RBM45: variants seen among roughly 807,000 people sequenced by gnomAD.
RBM45 encodes the protein RNA-binding protein 45.
RBM45 carries 39 observed loss-of-function variants against 58.5 expected under a neutral mutation model. The observed-to-expected ratio is 0.67, with a 90% CI of 0.52 to 0.87. RBM45 has a LOEUF of 0.87. RBM45 is among the 40% of genes least tolerant of loss of function. The pLI is 0.00. For missense variants in RBM45, 481 were observed against 581.6 expected (o/e 0.83, Z 1.78); for synonymous variants, 193 against 203.0 (o/e 0.95, Z 0.42).
chr2:178,138,258 G>C (rs1212834949), exon 4 of RBM45: 1 of 152,036 alleles, frequency 6.6e-6, no homozygotes, highest in African/African-American at 2.4e-5. Context: ...TCTTTTAAAG[G>C]ATTCTCTGCA....
intron 3 of RBM45, among the ~76,000 whole-genome samples, chr2:178,135,097 C>A (rs1274784894): frequency 6.6e-6 from 1 of 152,214 alleles, no homozygotes; most frequent in Non-Finnish European, 1.5e-5. Flanking sequence ...CATTGCCCCA[C>A]TGGCACAAAA....
At chr2:178,126,619 A>G (rs1204851730) in intron 9 of RBM45, among the ~76,000 whole-genome samples, 4 of 152,208 alleles carry the variant, frequency 2.6e-5, no homozygotes, top group African/African-American at 9.7e-5. Context: ...ACTTCTCTCT[A>G]ATGAAATGCC....
At chr2:178,124,730 C>A (rs1176106399) in intron 8 of RBM45, among the ~76,000 whole-genome samples, 1 of 152,128 alleles carries the variant, frequency 6.6e-6, no homozygotes, top group Admixed American at 6.6e-5. Context: ...GGCAGGATTG[C>A]TTTTGCCCAG....
chr2:178,118,297 G>A, intron 3 of RBM45, 116 bp downstream of exon 3: 1 of 1,010,242 alleles, frequency 9.9e-7, no homozygotes, highest in Admixed American at 3.0e-5. Context: ...AATTTTAGCA[G>A]TGGGTATTTA....
chr2:178,120,521 AAT>A, intron 4 of RBM45, 112 bp downstream of exon 4: 1 of 951,356 alleles, frequency 1.1e-6, no homozygotes, highest in East Asian at 2.9e-5. Context: ...AGTGAATAAA[AAT>A]CTTAAATGTA....
chr2:178,135,197 A>AGGG (rs2088035649), intron 3 of RBM45, among the ~76,000 whole-genome samples: 1 of 152,236 alleles, frequency 6.6e-6, no homozygotes, highest in South Asian at 2.1e-4. Context: ...GAAGATTTTA[A>AGGG]TCTGTTACTT....
exon 4 of RBM45, chr2:178,138,987 C>T (rs1247603740): frequency 6.7e-6 from 1 of 148,806 alleles, no homozygotes; most frequent in African/African-American, 2.5e-5. Context: ...TGTTAAGGTG[C>T]TTAATAATAA....
downstream of RBM45, among the ~76,000 whole-genome samples, chr2:178,132,435 A>G (rs1176639051): frequency 6.6e-6 from 1 of 152,238 alleles, no homozygotes; most frequent in Non-Finnish European, 1.5e-5. Flanking sequence ...CCTATTCAGT[A>G]TGAATGAATC....
Position 178,124,295 on chromosome 2 carries a change from G to A in RBM45, c.1232+5G>A, listed in dbSNP as rs1355415405. On this transcript the variant is annotated splice_donor_5th_base_variant and intron_variant, in intron 8 of 9. Coordinates refer to ENST00000286070, the MANE Select transcript of RBM45 (RefSeq NM_152945.4). Reference sequence around the variant, plus strand: ...CGTATTAGAAGATATATTCTGGTAAGAAAGTTACATTTTTTGTTATATTTT... The same window carrying A: ...CGTATTAGAAGATATATTCTGGTAAAAAAGTTACATTTTTTGTTATATTTT... The A allele has an allele frequency of 6.7e-7, 1 of 1,494,800 alleles. No homozygotes were observed. The highest frequency in any genetic ancestry group is 1.4e-5 in the African/African-American group (1 of 70,532). 92.6% of individuals were successfully genotyped at this position (1,494,800 alleles called of 1,614,324 possible). A position where few individuals can be genotyped will look rare whatever the true frequency, so the allele number is the denominator to read the frequency against.
chr2:178,117,994 C>A, intron 2 of RBM45, 61 bp from the exon 3 acceptor site: 1 of 1,387,846 alleles, frequency 7.2e-7, no homozygotes, highest in Non-Finnish European at 9.5e-7. Context: ...ATTTTTAGTT[C>A]TGAAATACTC....
intron 8 of RBM45, 21 bp downstream of exon 8, chr2:178,124,311 G>A (rs759519558): frequency 1.4e-6 from 2 of 1,439,744 alleles, no homozygotes; most frequent in South Asian, 2.7e-5. Flanking sequence ...TACATTTTTT[G>A]TTATATTTTA....
chr2:178,126,588 G>A (rs941255471), intron 9 of RBM45, among the ~76,000 whole-genome samples: 6 of 152,064 alleles, frequency 3.9e-5, no homozygotes, highest in Admixed American at 6.5e-5. Context: ...TATAACAGTC[G>A]TTTATAAAGA....
intron 3 of RBM45, 113 bp from the exon 4 acceptor site, chr2:178,120,172 TAG>T: frequency 7.4e-7 from 1 of 1,351,128 alleles, no homozygotes; most frequent in Non-Finnish European, 1.0e-6. Context: ...GGCCATTGTA[TAG>T]ATTTTGCTTT....
chr2:178,119,639 G>T (rs2087823176), intron 3 of RBM45, among the ~76,000 whole-genome samples: 3 of 152,172 alleles, frequency 2.0e-5, no homozygotes, highest in African/African-American at 7.2e-5. Flanking sequence ...ATTCAAACTG[G>T]CTGGTTTTAT....
chr2:178,123,515 A>AT lies in RBM45; in HGVS notation c.854-3dup. On this transcript the variant is annotated splice_polypyrimidine_tract_variant and splice_region_variant and intron_variant, in intron 5 of 9. Transcript: ENST00000286070. ...CCTTTTTCATTTCTGTATGTTCTCT[A>AT]TTTTAGGTCATGGAGTGGTTCAGTA... is the stretch of plus-strand genomic sequence containing the variant. The AT allele has an allele frequency of 1.3e-6, 2 of 1,565,348 alleles. No homozygotes were observed. The highest frequency in any genetic ancestry group is 8.6e-7 in the Non-Finnish European group (1 of 1,162,268).
At chr2:178,120,449 A>G (rs1340131218) in intron 4 of RBM45, 40 bp downstream of exon 4, 1 of 1,545,226 alleles carries the variant, frequency 6.5e-7, no homozygotes, top group Non-Finnish European at 8.7e-7. Context: ...ATAATGTAGT[A>G]TATGCAATCT....
In RBM45 at chr2:178,126,146, A is replaced by C. The variant is rs1188671592; in HGVS notation, c.1395A>C (p.Glu465Asp). The C allele has an allele frequency of 9.3e-6, 15 of 1,613,902 alleles. No homozygotes were observed. The Middle Eastern group carries it at 4.9e-4, about 53-fold the overall frequency. The change falls in exon 9 of 10, where the codon GAA becomes GAC. Residue 465 changes from glutamate (E) to aspartate (D), a missense_variant. Coordinates refer to ENST00000286070, the MANE Select transcript of RBM45 (RefSeq NM_152945.4). ...TTATGCTGGCAGATTCGCCAAGAGA[A>C]GAATCTAACAAACGGCAAAGAACTT... The part of the protein sequence containing the change: ...LKVMLADSPR[E>D]ESNKRQRTY
rs2087855089 is a variant in RBM45 at position 178,121,666 on chromosome 2, C to CA, written c.853+313dup. 4.6e-5 allele frequency among the ~76,000 whole-genome samples: 7 copies of CA among 152,174 alleles called. No individual in the cohort carries two copies. In the South Asian group the frequency reaches 1.0e-3, roughly 23 times the overall value. On this transcript the variant is annotated intron_variant, in intron 5 of 9. Coordinates refer to ENST00000286070, the MANE Select transcript of RBM45 (RefSeq NM_152945.4). ...AACATTCTGTATTCCAGTTGCATAACAAAAAATACCTCTGGATAGAGCCTC... is the reference window on the plus strand; with the variant it reads ...AACATTCTGTATTCCAGTTGCATAACAAAAAAATACCTCTGGATAGAGCCTC...
At chr2:178,122,643 T>G (rs983209010) in intron 5 of RBM45, among the ~76,000 whole-genome samples, 1 of 152,168 alleles carries the variant, frequency 6.6e-6, no homozygotes, top group African/African-American at 2.4e-5. Flanking sequence ...TATTTGTTCC[T>G]GTACCTCCTG....
Sources: allele counts gnomAD v4.1 joint callset (sites outside exome capture counted in the v4.1 genomes callset), GRCh38; gene constraint gnomAD v4.1.1; transcripts MANE v1.5; gene names NCBI Gene and HGNC (gene_info 2026-07-23, HGNC 2026-07-21).